SIMC1: variants seen among roughly 807,000 people sequenced by gnomAD.
SIMC1 encodes the protein SUMO interacting motifs containing 1, also known as SUMO-interacting motif-containing protein 1.
Under a neutral mutation model 82.3 loss-of-function variants are expected in SIMC1, and 55 were observed. That is an observed-to-expected ratio of 0.67 (90% CI 0.54 to 0.84). SIMC1 has a LOEUF of 0.84. Among genes scored for constraint, SIMC1 ranks in the 40% least tolerant of loss-of-function variants. The pLI, the probability that SIMC1 is intolerant of heterozygous loss-of-function variation, is 0.00. For missense variants in SIMC1, 915 were observed against 1,107.2 expected (o/e 0.83, Z 2.46); for synonymous variants, 353 against 426.3 (o/e 0.83, Z 2.12).
chr5:176,272,396 C>A (rs1378938618), intron 1 of SIMC1, among the ~76,000 whole-genome samples: 1 of 144,900 alleles, frequency 6.9e-6, no homozygotes, highest in Non-Finnish European at 1.5e-5. Flanking sequence ...AAAAAAAAAA[C>A]ATACAGATTG....
intron 1 of SIMC1, among the ~76,000 whole-genome samples, chr5:176,243,089 A>G (rs1315147097): frequency 3.3e-5 from 5 of 152,078 alleles, no homozygotes; most frequent in Admixed American, 1.3e-4. Context: ...GAACAAGATG[A>G]TAATGGAACT....
At chr5:176,313,528 A>G (rs1764762272) in intron 4 of SIMC1, 163 bp from the exon 5 acceptor site, 2 of 1,557,378 alleles carry the variant, frequency 1.3e-6, no homozygotes, top group Non-Finnish European at 1.8e-6. Context: ...CTCTCTCATA[A>G]TGACCCAGAC....
At chr5:176,309,103 C>G in intron 4 of SIMC1, 1 of 671,438 alleles carries the variant, frequency 1.5e-6, no homozygotes. Flanking sequence ...TTGGAGGACT[C>G]ACATTACCTG....
At chr5:176,287,452 G>A (rs528462001) in intron 1 of SIMC1, among the ~76,000 whole-genome samples, 1 of 152,162 alleles carries the variant, frequency 6.6e-6, no homozygotes, top group African/African-American at 2.4e-5. Flanking sequence ...ACACAGGAAG[G>A]GCAACATCAA....
At chr5:176,267,897 C>T (rs1165626696) in intron 1 of SIMC1, among the ~76,000 whole-genome samples, 1 of 146,066 alleles carries the variant, frequency 6.8e-6, no homozygotes, top group Non-Finnish European at 1.5e-5. Flanking sequence ...GCTGGGACTA[C>T]AGGTGCGCAC....
chr5:176,282,426 G>A, intron 1 of SIMC1, among the ~76,000 whole-genome samples: 1 of 152,226 alleles, frequency 6.6e-6, no homozygotes, highest in East Asian at 1.9e-4. Flanking sequence ...CGCGCATGGT[G>A]CGCTGCACCC....
At chr5:176,309,062 TTAAGC>T (rs2113332818) in intron 4 of SIMC1, 3 of 725,940 alleles carry the variant, frequency 4.1e-6, no homozygotes, top group Admixed American at 2.1e-5. Flanking sequence ...GTAAAGTTAC[TTAAGC>T]TAAATCAATT....
chr5:176,288,241 C>G lies in SIMC1; in HGVS notation c.130-1413C>G, dbSNP rs181640879. ...TGGCCAACATGGTGAAACCTCATCT[C>G]TACTAAAAATACAGAAATTAGTCTG... On this transcript the variant is annotated intron_variant, in intron 1 of 9. Coordinates refer to ENST00000429602, the MANE Select transcript of SIMC1 (RefSeq NM_001308195.2). Among the ~76,000 whole-genome samples the G allele has an allele frequency of 1.7e-3, 252 of 152,208 alleles. 1 individual carries two copies. Among genetic ancestry groups the G allele is most frequent in the Non-Finnish European group, 1.8e-3 (123 of 68,002 alleles).
At chr5:176,314,680 G>A (rs1171178880) in intron 5 of SIMC1, among the ~76,000 whole-genome samples, 2 of 152,088 alleles carry the variant, frequency 1.3e-5, no homozygotes, top group Admixed American at 6.6e-5. Flanking sequence ...TATACCAAGC[G>A]GGGGAAAATA....
chr5:176,277,095 C>T (rs1762741523), intron 1 of SIMC1, among the ~76,000 whole-genome samples: 1 of 151,890 alleles, frequency 6.6e-6, no homozygotes, highest in Non-Finnish European at 1.5e-5. Flanking sequence ...TTCTCCACAT[C>T]CTCTCCAGCA....
At chr5:176,325,347 C>CCAGCAGCACCAGAT (rs879545444) in intron 7 of SIMC1, among the ~76,000 whole-genome samples, 1 of 151,934 alleles carries the variant, frequency 6.6e-6, no homozygotes, top group Non-Finnish European at 1.5e-5. Flanking sequence ...GATTGCTCCA[C>CCAGCAGCACCAGAT]TGCACTCCAG....
intron 1 of SIMC1, among the ~76,000 whole-genome samples, chr5:176,259,689 C>A (rs1274478853): frequency 1.3e-5 from 2 of 151,660 alleles, no homozygotes; most frequent in Non-Finnish European, 2.9e-5. Flanking sequence ...ATGACAATTA[C>A]TTGAATCTGG....
intron 9 of SIMC1, among the ~76,000 whole-genome samples, chr5:176,337,722 A>G (rs1765967557): frequency 6.6e-6 from 1 of 152,222 alleles, no homozygotes; most frequent in Admixed American, 6.5e-5. Flanking sequence ...CATTGTAAAC[A>G]TTGTAAACAT....
At chr5:176,294,964 CAAAAAAAAA>C (rs70991529) in intron 2 of SIMC1, 57 bp from the exon 3 acceptor site, 15 of 1,211,654 alleles carry the variant, frequency 1.2e-5, no homozygotes, top group South Asian at 3.1e-5. Flanking sequence ...GACTCCGTCT[CAAAAAAAAA>C]AAAAAAAAAA....
At chr5:176,270,583 A>G (rs559368647) in intron 1 of SIMC1, 26 of 152,364 alleles carry the variant, frequency 1.7e-4, no homozygotes, top group African/African-American at 5.8e-4. Flanking sequence ...AGGTTAGGAA[A>G]GATAGTCTTG....
intron 1 of SIMC1, among the ~76,000 whole-genome samples, chr5:176,287,014 C>G (rs1488903112): frequency 6.6e-6 from 1 of 152,192 alleles, no homozygotes; most frequent in African/African-American, 2.4e-5. Context: ...AATAGGAACA[C>G]TTTTACACTG....
intron 1 of SIMC1, among the ~76,000 whole-genome samples, chr5:176,274,746 C>G (rs112859124): frequency 6.6e-6 from 1 of 151,918 alleles, no homozygotes; most frequent in African/African-American, 2.4e-5. Context: ...TTCCCAGCAC[C>G]ATTTATTAAC....
intron 1 of SIMC1, among the ~76,000 whole-genome samples, chr5:176,251,089 C>T (rs563386906): frequency 4.5e-4 from 69 of 152,302 alleles, no homozygotes; most frequent in African/African-American, 7.7e-4. Context: ...TGGCCAGGCA[C>T]GGTGGCTCAC....
intron 4 of SIMC1, among the ~76,000 whole-genome samples, chr5:176,305,606 A>AC (rs1481803317): frequency 5.1e-5 from 6 of 117,670 alleles, no homozygotes; most frequent in African/African-American, 1.0e-4. Context: ...CGCCCGGCCA[A>AC]CCCCCCCGTC....
Sources: gnomAD v4.1 joint callset for allele counts (sites outside exome capture counted in the v4.1 genomes callset) on GRCh38, gnomAD v4.1.1 for gene constraint, MANE v1.5 for transcripts, NCBI Gene and HGNC (gene_info 2026-07-23, HGNC 2026-07-21) for gene names.